LMO7: variants seen among roughly 807,000 people sequenced by gnomAD.
The protein encoded by LMO7 is LIM domain only protein 7.
A neutral mutation model predicts 206.5 loss-of-function variants in LMO7; 120 were observed. The ratio of observed to expected loss-of-function variants is 0.58; its 90% CI spans 0.50 to 0.68. The LOEUF (loss-of-function observed/expected upper bound fraction) is 0.68, where lower values mean the gene tolerates loss of function less well. LMO7 is among the 30% of genes least tolerant of loss of function. The pLI is 0.00. For synonymous variants in LMO7, 706 were observed against 681.5 expected (o/e 1.04, Z -0.56); for missense variants, 1,959 against 1,957.9 (o/e 1.00, Z -0.01).
chr13:75,840,418 A>G lies in LMO7; in HGVS notation c.3505A>G (p.Ser1169Gly). The G allele has an allele frequency of 1.2e-6, 2 of 1,614,044 alleles. No homozygotes were observed. The highest frequency in any genetic ancestry group is 1.7e-6 in the Non-Finnish European group (2 of 1,179,978). Residue 1169 changes from serine (S) to glycine (G), a missense_variant, in exon 22 of 31, where the codon AGT becomes GGT. Physicochemically the swap from Ser to Gly is moderately conservative, Grantham distance 56. Coordinates refer to ENST00000377534, the MANE Select transcript of LMO7 (RefSeq NM_001306080.2). ...DLPVPTISAP[S>G]RWVWDQEEER... ...TCCAGTTCCAACCATCAGTGCCCCG[A>G]GTCGCTGGGTGTGGGATCAAGAGGA...
At chr13:75,728,151 G>T (rs937753500) in intron 3 of LMO7, among the ~76,000 whole-genome samples, 16 of 152,154 alleles carry the variant, frequency 1.1e-4, no homozygotes, top group African/African-American at 3.6e-4. Context: ...TAATGGGATT[G>T]CTGGGTCAAA....
intron 11 of LMO7, among the ~76,000 whole-genome samples, chr13:75,813,698 C>T (rs2056682488): frequency 2.6e-5 from 4 of 152,188 alleles, no homozygotes; most frequent in Admixed American, 2.0e-4. Context: ...GTGTTGGGGG[C>T]ACCCAGGAGG....
chr13:75,807,462 T>C lies in LMO7; in HGVS notation c.1197-18T>C. ...AGCTTAATAAGATTCTCTTTCCTTT[T>C]TCCTCTCTGTGCATCAGTCAGTTTT... On this transcript the variant is annotated intron_variant, in intron 9 of 30. Transcript: ENST00000377534. 7.5e-6 allele frequency: 12 copies of C among 1,608,316 alleles called. No individual in the cohort carries two copies. Among genetic ancestry groups the C allele is most frequent in the Non-Finnish European group, 1.0e-5 (12 of 1,177,590 alleles).
At chr13:75,788,316 G>A (rs1414042647) in intron 4 of LMO7, among the ~76,000 whole-genome samples, 1 of 151,908 alleles carries the variant, frequency 6.6e-6, no homozygotes. Context: ...AAAATTAGCC[G>A]AGCGTGTTGG....
intron 1 of LMO7, among the ~76,000 whole-genome samples, chr13:75,652,613 C>T (rs2037686537): frequency 9.0e-6 from 1 of 111,536 alleles, no homozygotes; most frequent in Admixed American, 8.4e-5. Flanking sequence ...ACCACAAGTT[C>T]AGTGTGTGTG....
chr13:75,844,340 G>A (rs1179911124), intron 25 of LMO7, among the ~76,000 whole-genome samples: 2 of 150,586 alleles, frequency 1.3e-5, no homozygotes, highest in East Asian at 3.9e-4. Context: ...ATGTACATAA[G>A]TATAATATTA....
At chr13:75,716,151 C>T (rs1181108664) in intron 2 of LMO7, among the ~76,000 whole-genome samples, 1 of 152,076 alleles carries the variant, frequency 6.6e-6, no homozygotes, top group Non-Finnish European at 1.5e-5. Context: ...AATATTTCAT[C>T]CAGTAATTTC....
intron 1 of LMO7, among the ~76,000 whole-genome samples, chr13:75,706,729 A>G (rs1385489975): frequency 6.6e-6 from 1 of 152,150 alleles, no homozygotes; most frequent in African/African-American, 2.4e-5. Flanking sequence ...TTATTTTTGA[A>G]GCTGTATTAT....
intron 3 of LMO7, among the ~76,000 whole-genome samples, chr13:75,745,789 TTG>T (rs2046787736): frequency 6.6e-6 from 1 of 152,180 alleles, no homozygotes; most frequent in South Asian, 2.1e-4. Flanking sequence ...AACTGAAACA[TTG>T]GCTTTTCTTA....
chr13:75,815,911 G>A (rs1161031291), intron 11 of LMO7, among the ~76,000 whole-genome samples: 2 of 152,158 alleles, frequency 1.3e-5, no homozygotes, highest in Non-Finnish European at 2.9e-5. Context: ...AAGAGGAAAA[G>A]CAGGTTTGGG....
At chr13:75,807,450 T>C (rs753451257) in intron 9 of LMO7, 30 bp from the exon 10 acceptor site, 2 of 1,604,004 alleles carry the variant, frequency 1.2e-6, no homozygotes, top group Admixed American at 3.4e-5. Flanking sequence ...TTAATAAGAT[T>C]CTCTTTCCTT....
At chr13:75,823,396 C>T (rs538547085) in intron 14 of LMO7, among the ~76,000 whole-genome samples, 169 bp from the exon 15 acceptor site, 2 of 152,294 alleles carry the variant, frequency 1.3e-5, no homozygotes, top group South Asian at 2.1e-4. Flanking sequence ...TCCCTCACTA[C>T]GTGTTTATCT....
rs1484865426 is a variant in LMO7 at position 75,859,173 on chromosome 13, T to C, written c.*1230T>C. The C allele has an allele frequency of 1.3e-5, 2 of 152,200 alleles. No individual in the cohort carries two copies. The highest frequency in any genetic ancestry group is 2.9e-5 in the Non-Finnish European group (2 of 68,022). The allele number at this position is 152,200 out of a possible 1,614,324, so 9.4% of individuals were successfully genotyped here. ...ATCTTTTATAATAATGTAAGTGGAA[T>C]GGAGGATTCTAGGAACTGAGAACTG... is the stretch of plus-strand genomic sequence containing the variant. On this transcript the variant is annotated 3_prime_UTR_variant, in exon 31 of 31. Transcript: ENST00000377534.
chr13:75,733,910 G>T (rs181571309), intron 3 of LMO7, among the ~76,000 whole-genome samples: 2 of 152,192 alleles, frequency 1.3e-5, no homozygotes, highest in African/African-American at 2.4e-5. Flanking sequence ...CCCTGTGTGC[G>T]CTGTTTGCTG....
intron 1 of LMO7, among the ~76,000 whole-genome samples, chr13:75,662,339 G>A (rs2038681768): frequency 6.6e-6 from 1 of 152,174 alleles, no homozygotes; most frequent in African/African-American, 2.4e-5. Flanking sequence ...TTGTTTCTGA[G>A]ACAGAATCTC....
rs761078852 is a variant in LMO7, at chr13:75,853,112, T to C, written c.4385T>C (p.Leu1462Pro). 1.7e-5 allele frequency: 27 copies of C among 1,607,306 alleles called. No individual in the cohort carries two copies. Among genetic ancestry groups the C allele is most frequent in the South Asian group, 2.2e-5 (2 of 90,556 alleles). ...TTCAGAGGCGAATCTTTAGATAACC[T>C]GGACTCCCCCCGATCCAATTCTTGG... ...IMRRGESLDNLDSPRSNSWRQ... is the reference protein window; with the variant it reads ...IMRRGESLDNPDSPRSNSWRQ... Residue 1462 changes from leucine to proline, a missense_variant, in exon 28 of 31, where the codon CTG becomes CCG. Leu to Pro is a moderately conservative substitution (Grantham distance 98). Coordinates refer to ENST00000377534, the MANE Select transcript of LMO7 (RefSeq NM_001306080.2).
chr13:75,705,072 G>A (rs1056328734), intron 1 of LMO7, among the ~76,000 whole-genome samples: 9 of 152,174 alleles, frequency 5.9e-5, no homozygotes, highest in East Asian at 3.9e-4. Flanking sequence ...GTGTTGGTGC[G>A]GAATATGCCC....
chr13:75,627,878 A>G (rs1370770203), intron 2 of LMO7: 1 of 151,936 alleles, frequency 6.6e-6, no homozygotes, highest in African/African-American at 2.4e-5. Context: ...TTCTAGCTAG[A>G]ATGGGGGACC....
chr13:75,825,046 A>G (rs960989103), intron 15 of LMO7, among the ~76,000 whole-genome samples: 3 of 152,214 alleles, frequency 2.0e-5, no homozygotes, highest in Admixed American at 6.5e-5. Context: ...TCCATCATTT[A>G]GAGATAATCA....
Sources: gnomAD v4.1 joint callset for allele counts (sites outside exome capture counted in the v4.1 genomes callset) on GRCh38, gnomAD v4.1.1 for gene constraint, MANE v1.5 for transcripts, NCBI Gene and HGNC (gene_info 2026-07-23, HGNC 2026-07-21) for gene names.